SLC1A2: variants seen among roughly 807,000 people sequenced by gnomAD.
SLC1A2 encodes the protein excitatory amino acid transporter 2.
Under a neutral mutation model 48.8 loss-of-function variants are expected in SLC1A2, and 15 were observed. That is an observed-to-expected ratio of 0.31 (90% CI 0.21 to 0.47). The LOEUF is 0.47. Among genes scored for constraint, SLC1A2 ranks in the 20% least tolerant of loss-of-function variants. SLC1A2 has a pLI of 0.99. For synonymous variants in SLC1A2, 279 were observed against 272.6 expected, an observed-to-expected ratio of 1.02 and a Z score of -0.23; for missense variants, 502 against 730.5, an observed-to-expected ratio of 0.69 and a Z score of 3.61.
intron 1 of SLC1A2, among the ~76,000 whole-genome samples, chr11:35,330,138 C>T (rs770506108): frequency 6.6e-6 from 1 of 152,182 alleles, no homozygotes; most frequent in Non-Finnish European, 1.5e-5. Flanking sequence ...ATCTACCAAC[C>T]TTTGAGGCAT....
chr11:35,295,248 A>G (rs1851136004), intron 6 of SLC1A2, among the ~76,000 whole-genome samples: 1 of 151,928 alleles, frequency 6.6e-6, no homozygotes, highest in African/African-American at 2.4e-5. Flanking sequence ...AGGAGGTCTC[A>G]CTATTTTGCT....
In SLC1A2 at chr11:35,323,031, G is replaced by A. The variant is rs1591473055; in HGVS notation, c.18-5515C>T. 3.5e-5 allele frequency: 16 copies of A among 459,606 alleles called. No homozygotes were observed. The East Asian group carries it at 6.0e-4, about 17-fold the overall frequency. 28.5% of individuals were successfully genotyped at this position (459,606 alleles called of 1,614,324 possible). On this transcript the variant is annotated intron_variant, in intron 1 of 10. Coordinates refer to ENST00000278379, the MANE Select transcript of SLC1A2 (RefSeq NM_004171.4). ...CAGATACCGTGTTGTCACAGATCCT[G>A]CAAATGAAACTTAAAGGGTGACAGC...
intron 1 of SLC1A2, among the ~76,000 whole-genome samples, chr11:35,416,515 T>C (rs1044962248): frequency 6.6e-6 from 1 of 152,260 alleles, no homozygotes; most frequent in Admixed American, 6.5e-5. Flanking sequence ...TTATTGCTTC[T>C]AATAATTCTT....
intron 1 of SLC1A2, among the ~76,000 whole-genome samples, chr11:35,371,424 T>C (rs919054144): frequency 6.6e-6 from 1 of 152,180 alleles, no homozygotes; most frequent in Non-Finnish European, 1.5e-5. Flanking sequence ...ATGACTTTGG[T>C]GACCAATGGC....
intron 1 of SLC1A2, among the ~76,000 whole-genome samples, chr11:35,402,501 G>T (rs2135275227): frequency 6.6e-6 from 1 of 152,262 alleles, no homozygotes; most frequent in South Asian, 2.1e-4. Context: ...CTGTTTCTGA[G>T]TTGTATCCTT....
At chr11:35,351,822 G>T (rs1853266521) in intron 1 of SLC1A2, among the ~76,000 whole-genome samples, 1 of 152,010 alleles carries the variant, frequency 6.6e-6, no homozygotes, top group South Asian at 2.1e-4. Flanking sequence ...TTTTAGTAGA[G>T]ACGGGGTTTC....
intron 1 of SLC1A2, among the ~76,000 whole-genome samples, chr11:35,347,937 G>T (rs937954770): frequency 6.6e-6 from 1 of 152,208 alleles, no homozygotes; most frequent in Admixed American, 6.5e-5. Context: ...GCTGGTTGTT[G>T]TGAGCTTCAG....
At chr11:35,373,691 G>A (rs1854132643) in intron 1 of SLC1A2, among the ~76,000 whole-genome samples, 1 of 152,228 alleles carries the variant, frequency 6.6e-6, no homozygotes, top group African/African-American at 2.4e-5. Context: ...TAGGGCTAAT[G>A]CAGCATGGGC....
chr11:35,271,809 C>T (rs565597331), intron 9 of SLC1A2, among the ~76,000 whole-genome samples: 25 of 152,286 alleles, frequency 1.6e-4, no homozygotes, highest in African/African-American at 6.0e-4. Flanking sequence ...CGCCACTGCA[C>T]TCCAGCCTGG....
intron 5 of SLC1A2, among the ~76,000 whole-genome samples, chr11:35,303,854 TGCAA>T (rs1851425361): frequency 6.6e-6 from 1 of 152,100 alleles, no homozygotes; most frequent in Non-Finnish European, 1.5e-5. Context: ...CTTCACTTAT[TGCAA>T]GTGCTTAATC....
intron 2 of SLC1A2, chr11:35,317,149 A>T: frequency 2.0e-6 from 1 of 511,902 alleles, no homozygotes; most frequent in Non-Finnish European, 3.5e-6. Flanking sequence ...CTCTCACAAG[A>T]TATTTATTTG....
At chr11:35,308,160 G>A (rs1295536970) in intron 4 of SLC1A2, among the ~76,000 whole-genome samples, 1 of 152,224 alleles carries the variant, frequency 6.6e-6, no homozygotes, top group Non-Finnish European at 1.5e-5. Context: ...TCAGGATCAG[G>A]CAGGAGGCCA....
chr11:35,357,212 G>A (rs11033090), intron 1 of SLC1A2, among the ~76,000 whole-genome samples: 30,458 of 151,050 alleles, frequency 0.2, 3,263 homozygotes, highest in Middle Eastern at 0.28. Flanking sequence ...AGTCGAGATC[G>A]TGCCACTGCA....
At chr11:35,337,273 G>A (rs1565255741) in intron 1 of SLC1A2, among the ~76,000 whole-genome samples, 1 of 152,088 alleles carries the variant, frequency 6.6e-6, no homozygotes, top group Non-Finnish European at 1.5e-5. Context: ...CCAAACAGAA[G>A]ACTAGCTGTT....
intron 5 of SLC1A2, among the ~76,000 whole-genome samples, chr11:35,302,592 G>A (rs929031216): frequency 5.3e-5 from 8 of 152,062 alleles, no homozygotes; most frequent in African/African-American, 1.9e-4. Context: ...CCAACCATGA[G>A]TCTTACTTCT....
rs1166827650 is a variant in SLC1A2 at position 35,260,100 on chromosome 11, C to T, written c.*794G>A. ...ATTTGAATATTTAACTCTGGTTAAA[C>T]TTTATGTTGACTGTGCTCTCTTACT... On this transcript the variant is annotated 3_prime_UTR_variant, in exon 11 of 11. Transcript: ENST00000278379. 6.6e-6 allele frequency: 1 copy of T among 152,168 alleles called. No individual in the cohort carries two copies. The highest frequency in any genetic ancestry group is 1.5e-5 in the Non-Finnish European group (1 of 68,016). The allele number at this position is 152,168 out of a possible 1,614,324, so 9.4% of individuals were successfully genotyped here.
chr11:35,382,531 C>G (rs534926100), intron 1 of SLC1A2, among the ~76,000 whole-genome samples: 1 of 152,222 alleles, frequency 6.6e-6, no homozygotes, highest in Non-Finnish European at 1.5e-5. Flanking sequence ...TGCGGTGGCT[C>G]ACGCCTATAA....
At chr11:35,261,044 C>G (rs1950386978) in intron 10 of SLC1A2, 79 bp from the exon 11 acceptor site, 2 of 977,998 alleles carry the variant, frequency 2.0e-6, no homozygotes, top group Admixed American at 1.7e-5. Context: ...GGAGAAGCAC[C>G]AAATCCAAGA....
intron 1 of SLC1A2, among the ~76,000 whole-genome samples, chr11:35,343,752 T>C (rs1197183277): frequency 6.6e-6 from 1 of 151,776 alleles, no homozygotes; most frequent in Non-Finnish European, 1.5e-5. Context: ...ACCAGAATAA[T>C]AATAATAATA....
Sources: gnomAD v4.1 joint callset for allele counts (sites outside exome capture counted in the v4.1 genomes callset) on GRCh38, gnomAD v4.1.1 for gene constraint, MANE v1.5 for transcripts, NCBI Gene and HGNC (gene_info 2026-07-23, HGNC 2026-07-21) for gene names.